C8orf74: variants seen among roughly 807,000 people sequenced by gnomAD.
C8orf74 encodes uncharacterized protein C8orf74.
C8orf74 carries 29 observed loss-of-function variants against 22.2 expected under a neutral mutation model. That is an observed-to-expected ratio of 1.31 (90% CI 0.97 to 1.78). The LOEUF is 1.78. Ranked by LOEUF, C8orf74 falls within the 40% of genes most tolerant of loss-of-function variation. C8orf74 has a pLI of 0.00. For synonymous variants in C8orf74, 255 were observed against 163.1 expected, an observed-to-expected ratio of 1.56 and a Z score of -4.30; for missense variants, 515 against 369.9, an observed-to-expected ratio of 1.39 and a Z score of -3.22.
At chr8:10,679,023 C>G (rs946008948) in intron 2 of C8orf74, among the ~76,000 whole-genome samples, 1 of 152,208 alleles carries the variant, frequency 6.6e-6, no homozygotes, top group Non-Finnish European at 1.5e-5. Flanking sequence ...CACTGACAAA[C>G]GCTGCCGTCA....
intron 2 of C8orf74, 103 bp from the exon 3 acceptor site, chr8:10,697,496 A>C (rs1268067616): frequency 1.1e-6 from 1 of 946,460 alleles, no homozygotes; most frequent in African/African-American, 1.7e-5. Context: ...CAGTGGGGAC[A>C]TGGGCTCTGT....
In C8orf74 at chr8:10,678,907, T is replaced by G. The variant is rs57144676; in HGVS notation, c.241+4069T>G. Among the ~76,000 whole-genome samples, 1,075 of 152,320 alleles carry G rather than the reference T, an allele frequency of 7.1e-3. 62 individuals carry two copies. In the East Asian group the frequency reaches 0.16, roughly 23 times the overall value. ...GGTGGCGTCCTAGTCAGCACCTGTGTTCTTACTGCCTTGCACAGGGACACT... is the reference window on the plus strand; with the variant it reads ...GGTGGCGTCCTAGTCAGCACCTGTGGTCTTACTGCCTTGCACAGGGACACT... On this transcript the variant is annotated intron_variant, in intron 2 of 3. Coordinates refer to ENST00000304519, the MANE Select transcript of C8orf74 (RefSeq NM_001040032.2).
chr8:10,681,486 G>A (rs1799147462), intron 2 of C8orf74, among the ~76,000 whole-genome samples: 1 of 152,126 alleles, frequency 6.6e-6, no homozygotes, highest in African/African-American at 2.4e-5. Context: ...AGGGATGTGG[G>A]GGCCTTGAGG....
chr8:10,697,560 G>C (rs369889641), intron 2 of C8orf74, 39 bp from the exon 3 acceptor site: 679 of 1,589,030 alleles, frequency 4.3e-4, no homozygotes, highest in Middle Eastern at 2.8e-3. Context: ...GGGCAGCTCT[G>C]TCCCACTCCC....
At chr8:10,678,736 C>T (rs1307388724) in intron 2 of C8orf74, among the ~76,000 whole-genome samples, 3 of 152,194 alleles carry the variant, frequency 2.0e-5, no homozygotes. Context: ...GCCAGGCTGG[C>T]TGCAGTGGGG....
chr8:10,688,207 G>GA (rs59178861), intron 2 of C8orf74: 13,816 of 90,848 alleles, frequency 0.15, 1,942 homozygotes, highest in African/African-American at 0.39. Flanking sequence ...TCCACCTCCA[G>GA]AAAAAAAAAA....
Position 10,672,628 on chromosome 8 carries a change from A to T in C8orf74, c.-38A>T. 3 of 1,553,758 alleles carry T rather than the reference A, an allele frequency of 1.9e-6. No individual in the cohort carries two copies. The highest frequency in any genetic ancestry group is 2.6e-6 in the Non-Finnish European group (3 of 1,147,672). ...CCCAGGGTTCCGGAAACTCTGAGTC[A>T]GTCTGGCTCCGTCTCCTGGCAACCA... On this transcript the variant is annotated 5_prime_UTR_variant, in exon 1 of 4. Coordinates refer to ENST00000304519, the MANE Select transcript of C8orf74 (RefSeq NM_001040032.2).
intron 2 of C8orf74, among the ~76,000 whole-genome samples, chr8:10,681,836 G>A (rs931203332): frequency 1.3e-5 from 2 of 152,374 alleles, no homozygotes; most frequent in East Asian, 3.9e-4. Context: ...GGGCAGCCGG[G>A]TGAGTGCCTG....
At chr8:10,686,112 T>C (rs1799257155) in intron 2 of C8orf74, among the ~76,000 whole-genome samples, 1 of 152,194 alleles carries the variant, frequency 6.6e-6, no homozygotes, top group Non-Finnish European at 1.5e-5. Flanking sequence ...CAGTGTTATG[T>C]TATGTATATT....
chr8:10,696,272 C>T (rs1031146682), intron 2 of C8orf74, among the ~76,000 whole-genome samples: 5 of 151,966 alleles, frequency 3.3e-5, no homozygotes, highest in Non-Finnish European at 5.9e-5. Context: ...GATGGGTCAC[C>T]CCCACAAGGA....
chr8:10,679,280 G>A (rs1799097844), intron 2 of C8orf74, among the ~76,000 whole-genome samples: 1 of 152,132 alleles, frequency 6.6e-6, no homozygotes, highest in South Asian at 2.1e-4. Flanking sequence ...CCGCTTGCAG[G>A]GGTCTCAGGC....
intron 2 of C8orf74, among the ~76,000 whole-genome samples, chr8:10,679,193 C>T (rs988184989): frequency 2.6e-5 from 4 of 152,140 alleles, no homozygotes; most frequent in Non-Finnish European, 5.9e-5. Flanking sequence ...TTGTTGAGTT[C>T]ATTTATGGCC....
intron 2 of C8orf74, among the ~76,000 whole-genome samples, chr8:10,679,210 C>T (rs978652379): frequency 1.3e-5 from 2 of 152,104 alleles, no homozygotes; most frequent in African/African-American, 4.8e-5. Context: ...GGCCCTGGAA[C>T]GGTGGTCAGC....
chr8:10,674,813 A>G lies in C8orf74; in HGVS notation c.216A>G (p.Thr72=). The change falls in exon 2 of 4, where the codon ACA becomes ACG. Residue 72 remains threonine (T), a synonymous_variant. Transcript: ENST00000304519. ...AGGTGGCCCAGGTGGTCAAGTTCAC[A>G]GAAGAGCTGCTAAGGGAAACCAAAG... ...WVEVAQVVKF[T]EELLRETKGC... 6.2e-7 allele frequency: 1 copy of G among 1,604,086 alleles called. No homozygotes were observed. Among genetic ancestry groups the G allele is most frequent in the Non-Finnish European group, 8.5e-7 (1 of 1,175,412 alleles).
chr8:10,697,550 G>T, intron 2 of C8orf74, 49 bp from the exon 3 acceptor site: 1 of 1,560,152 alleles, frequency 6.4e-7, no homozygotes, highest in Non-Finnish European at 8.8e-7. Flanking sequence ...CTGCCTGGCA[G>T]GGCAGCTCTG....
At chr8:10,674,963 T>A in intron 2 of C8orf74, 125 bp downstream of exon 2, 1 of 727,462 alleles carries the variant, frequency 1.4e-6, no homozygotes, top group Non-Finnish European at 2.2e-6. Context: ...TGCCCTTCCC[T>A]GGCATTGGGC....
chr8:10,682,421 A>G (rs956366242), intron 2 of C8orf74, among the ~76,000 whole-genome samples: 1 of 152,178 alleles, frequency 6.6e-6, no homozygotes, highest in South Asian at 2.1e-4. Flanking sequence ...TGGAGGCTGG[A>G]AGCCCAAGGT....
chr8:10,689,905 G>A (rs1438426751), intron 2 of C8orf74: 2 of 152,104 alleles, frequency 1.3e-5, no homozygotes, highest in Non-Finnish European at 2.9e-5. Context: ...CCGTTTTGGG[G>A]GTGGCACAGG....
intron 2 of C8orf74, among the ~76,000 whole-genome samples, chr8:10,680,856 C>G (rs996095844): frequency 6.6e-6 from 1 of 152,208 alleles, no homozygotes; most frequent in Non-Finnish European, 1.5e-5. Context: ...TTGCATCCCA[C>G]CCTGTCCGCC....
Sources: allele counts gnomAD v4.1 joint callset (sites outside exome capture counted in the v4.1 genomes callset), GRCh38; gene constraint gnomAD v4.1.1; transcripts MANE v1.5; gene names NCBI Gene and HGNC (gene_info 2026-07-23, HGNC 2026-07-21).